ITGA9: variants seen among roughly 807,000 people sequenced by gnomAD.
ITGA9 encodes integrin alpha-9.
In ITGA9, 56 loss-of-function variants were observed where a neutral mutation model predicts 127.8. The observed-to-expected ratio is 0.44, with a 90% confidence interval of 0.35 to 0.55. The LOEUF (loss-of-function observed/expected upper bound fraction) is 0.55, where lower values mean the gene tolerates loss of function less well. Among genes scored for constraint, ITGA9 ranks in the 20% least tolerant of loss-of-function variants. The pLI is 0.00. For missense variants in ITGA9, 1,196 were observed against 1,347.1 expected, an observed-to-expected ratio of 0.89 and a Z score of 1.76; for synonymous variants, 508 against 514.5, an observed-to-expected ratio of 0.99 and a Z score of 0.17.
At chr3:37,807,277 A>C (rs1697310322) in intron 27 of ITGA9, 1 of 152,220 alleles carries the variant, frequency 6.6e-6, no homozygotes, top group African/African-American at 2.4e-5. Flanking sequence ...TGCAAGGAAA[A>C]TGTTTAGCAC....
At chr3:37,789,028 T>C (rs1697073765) in intron 26 of ITGA9, among the ~76,000 whole-genome samples, 1 of 152,178 alleles carries the variant, frequency 6.6e-6, no homozygotes, top group South Asian at 2.1e-4. Context: ...AAATCCTCAA[T>C]ACTTCTTATT....
At chr3:37,709,671 A>G (rs1701055979) in intron 18 of ITGA9, among the ~76,000 whole-genome samples, 1 of 152,258 alleles carries the variant, frequency 6.6e-6, no homozygotes, top group African/African-American at 2.4e-5. Context: ...GCCCTCACAC[A>G]CAACCCCATG....
intron 18 of ITGA9, among the ~76,000 whole-genome samples, chr3:37,730,135 T>C (rs1233841788): frequency 6.6e-6 from 1 of 152,234 alleles, no homozygotes; most frequent in African/African-American, 2.4e-5. Flanking sequence ...ATGTAATATA[T>C]GTATATGTGT....
intron 26 of ITGA9, among the ~76,000 whole-genome samples, chr3:37,786,070 C>T (rs572179961): frequency 3.0e-4 from 46 of 152,154 alleles, no homozygotes; most frequent in African/African-American, 1.0e-3. Flanking sequence ...CACTCAGATC[C>T]CAGGGGAGTA....
chr3:37,680,583 A>C (rs976721898), intron 17 of ITGA9, among the ~76,000 whole-genome samples: 2 of 152,210 alleles, frequency 1.3e-5, no homozygotes, highest in Non-Finnish European at 1.5e-5. Context: ...GAAGCTGATC[A>C]CATGAACAAC....
Position 37,620,231 on chromosome 3 carries a change from G to T in ITGA9, c.1690-8956G>T, listed in dbSNP as rs376699007. Among the ~76,000 whole-genome samples the T allele has an allele frequency of 7.2e-5, 11 of 152,322 alleles. No homozygotes were observed. The East Asian group carries it at 1.2e-3, about 16-fold the overall frequency. ...AGGGCGTCACTTGCAGGCTTCGCTGGAGGAGATGGCTCCTGTCACCCAAGG... is the reference window on the plus strand; with the variant it reads ...AGGGCGTCACTTGCAGGCTTCGCTGTAGGAGATGGCTCCTGTCACCCAAGG... On this transcript the variant is annotated intron_variant, in intron 15 of 27. Coordinates refer to ENST00000264741, the MANE Select transcript of ITGA9 (RefSeq NM_002207.3).
chr3:37,615,153 C>T (rs1441269733), intron 15 of ITGA9, among the ~76,000 whole-genome samples: 1 of 152,062 alleles, frequency 6.6e-6, no homozygotes, highest in Non-Finnish European at 1.5e-5. Flanking sequence ...AATACCTAAT[C>T]CATTGAGAGT....
In ITGA9 at chr3:37,508,717, C is replaced by T; in HGVS notation, c.897+90C>T. The T allele has an allele frequency of 7.1e-6, 7 of 979,192 alleles. No individual in the cohort carries two copies. The South Asian group carries it at 7.9e-5, about 11-fold the overall frequency. The allele number at this position is 979,192 out of a possible 1,614,324, so 60.7% of individuals were successfully genotyped here. On this transcript the variant is annotated intron_variant, in intron 8 of 27. Transcript: ENST00000264741. Reference sequence around the variant, plus strand: ...TTTTTAGAAAATTGGTTTGAAGGCCCTACCTGTGCCCTGTGTTTATATGGC... The same window carrying T: ...TTTTTAGAAAATTGGTTTGAAGGCCTTACCTGTGCCCTGTGTTTATATGGC...
chr3:37,543,358 GAC>G (rs1699294417), intron 15 of ITGA9, among the ~76,000 whole-genome samples: 1 of 152,102 alleles, frequency 6.6e-6, no homozygotes, highest in Non-Finnish European at 1.5e-5. Context: ...GGGTTTTGGA[GAC>G]ACATAGATCC....
intron 19 of ITGA9, 70 bp downstream of exon 19, chr3:37,732,868 C>G (rs1009140386): frequency 8.0e-7 from 1 of 1,244,548 alleles, no homozygotes; most frequent in Admixed American, 2.0e-5. Flanking sequence ...CTGATTCCGC[C>G]GCCTCCCTGA....
chr3:37,784,928 C>T, intron 25 of ITGA9, 49 bp from the exon 26 acceptor site: 1 of 1,473,978 alleles, frequency 6.8e-7, no homozygotes, highest in Non-Finnish European at 9.5e-7. Context: ...CAAGGCCCAG[C>T]CATTATCATA....
chr3:37,757,253 T>G (rs1696663759), intron 23 of ITGA9, among the ~76,000 whole-genome samples: 1 of 151,686 alleles, frequency 6.6e-6, no homozygotes, highest in Admixed American at 6.6e-5. Flanking sequence ...TCCAAAAAAA[T>G]AGACAAACCT....
At chr3:37,538,245 A>G (rs1699230579) in intron 14 of ITGA9, among the ~76,000 whole-genome samples, 1 of 152,250 alleles carries the variant, frequency 6.6e-6, no homozygotes, top group East Asian at 1.9e-4. Flanking sequence ...GTTCTGACGG[A>G]GAGCAGGAAT....
intron 26 of ITGA9, among the ~76,000 whole-genome samples, chr3:37,785,608 G>A (rs1181902657): frequency 6.6e-6 from 1 of 151,990 alleles, no homozygotes; most frequent in East Asian, 1.9e-4. Flanking sequence ...AGAGTAGCTA[G>A]GACTACAGGC....
chr3:37,575,180 C>G (rs1376278503), intron 15 of ITGA9, among the ~76,000 whole-genome samples: 1 of 152,098 alleles, frequency 6.6e-6, no homozygotes, highest in Non-Finnish European at 1.5e-5. Context: ...GCCACTCATC[C>G]TAGGGCATTC....
chr3:37,464,949 G>A (rs1433407187), intron 1 of ITGA9, among the ~76,000 whole-genome samples: 1 of 152,142 alleles, frequency 6.6e-6, no homozygotes, highest in East Asian at 1.9e-4. Context: ...AGTAAGGGAT[G>A]CGGACAATTC....
intron 15 of ITGA9, among the ~76,000 whole-genome samples, chr3:37,574,001 C>T (rs1484245650): frequency 1.3e-5 from 2 of 152,110 alleles, no homozygotes; most frequent in Non-Finnish European, 2.9e-5. Flanking sequence ...GAAAATTTGA[C>T]CTTTTAAAGA....
intron 17 of ITGA9, among the ~76,000 whole-genome samples, chr3:37,680,398 C>T (rs1395330302): frequency 6.6e-6 from 1 of 152,132 alleles, no homozygotes; most frequent in Non-Finnish European, 1.5e-5. Context: ...CACATTCTGC[C>T]CTGGAAGTTG....
chr3:37,493,257 C>T (rs1698690926), intron 4 of ITGA9, among the ~76,000 whole-genome samples: 1 of 152,198 alleles, frequency 6.6e-6, no homozygotes, highest in East Asian at 1.9e-4. Flanking sequence ...GGAGTAGACA[C>T]TCAGAACGGC....
Sources: gnomAD v4.1 joint callset for allele counts (sites outside exome capture counted in the v4.1 genomes callset) on GRCh38, gnomAD v4.1.1 for gene constraint, MANE v1.5 for transcripts, NCBI Gene and HGNC (gene_info 2026-07-23, HGNC 2026-07-21) for gene names.